The following NELL1 variants were observed in gnomAD, a reference collection of about 807,000 sequenced individuals.
NELL1 encodes the protein protein kinase C-binding protein NELL1.
NELL1 carries 76 observed loss-of-function variants against 107.4 expected under a neutral mutation model. That is an observed-to-expected ratio of 0.71 (90% CI 0.59 to 0.86). The LOEUF (loss-of-function observed/expected upper bound fraction) is 0.86, where lower values mean the gene tolerates loss of function less well. Among genes scored for constraint, NELL1 ranks in the 40% least tolerant of loss-of-function variants. The pLI is 0.00. For synonymous variants in NELL1, 353 were observed against 341.2 expected (o/e 1.03, Z -0.38); for missense variants, 1,024 against 1,005.5 (o/e 1.02, Z -0.25).
At chr11:21,259,461 A>T (rs1365800348) in intron 14 of NELL1, among the ~76,000 whole-genome samples, 3 of 151,870 alleles carry the variant, frequency 2.0e-5, no homozygotes, top group Non-Finnish European at 4.4e-5. Flanking sequence ...ATGGAAATAC[A>T]ATTTTTCAGC....
chr11:21,489,704 C>T (rs1050202849), intron 15 of NELL1, among the ~76,000 whole-genome samples: 4 of 152,002 alleles, frequency 2.6e-5, no homozygotes, highest in Non-Finnish European at 5.9e-5. Context: ...ACCAAATGAT[C>T]ATCTCAATAG....
chr11:20,792,006 C>T (rs1357024869), intron 3 of NELL1, among the ~76,000 whole-genome samples: 1 of 151,786 alleles, frequency 6.6e-6, no homozygotes, highest in East Asian at 1.9e-4. Context: ...TTTATGGATT[C>T]GATTTGATAG....
chr11:21,450,341 G>A (rs372647078), intron 15 of NELL1, among the ~76,000 whole-genome samples: 21 of 152,054 alleles, frequency 1.4e-4, no homozygotes, highest in African/African-American at 3.4e-4. Context: ...CTTAAACAGC[G>A]GAAAACAGAC....
intron 14 of NELL1, among the ~76,000 whole-genome samples, chr11:21,344,584 A>G (rs527672971): frequency 6.6e-6 from 1 of 152,210 alleles, no homozygotes; most frequent in East Asian, 1.9e-4. Flanking sequence ...TAGCAGTGGT[A>G]TTTAATTGTA....
At chr11:21,001,616 T>C (rs2134273843) in intron 12 of NELL1, among the ~76,000 whole-genome samples, 1 of 152,106 alleles carries the variant, frequency 6.6e-6, no homozygotes. Flanking sequence ...AGATGGTTTA[T>C]TAAGAAAGAG....
At chr11:20,703,969 A>G (rs879689283) in intron 2 of NELL1, among the ~76,000 whole-genome samples, 1 of 152,192 alleles carries the variant, frequency 6.6e-6, no homozygotes, top group African/African-American at 2.4e-5. Flanking sequence ...GCTGAGAAGA[A>G]TGTATATTCT....
At chr11:21,253,621 T>C (rs1463327) in intron 14 of NELL1, among the ~76,000 whole-genome samples, 31,435 of 152,004 alleles carry the variant, frequency 0.21, 4,238 homozygotes, top group East Asian at 0.43. Flanking sequence ...TTAATCCAAC[T>C]TGTGATACTT....
chr11:20,966,515 G>C (rs2090395), intron 12 of NELL1, among the ~76,000 whole-genome samples: 15,085 of 152,068 alleles, frequency 0.099, 923 homozygotes, highest in East Asian at 0.25. Context: ...TATTCAGAAT[G>C]CTTGAGATAA....
chr11:21,123,507 A>T (rs1855420016), intron 13 of NELL1, among the ~76,000 whole-genome samples: 1 of 152,176 alleles, frequency 6.6e-6, no homozygotes, highest in South Asian at 2.1e-4. Flanking sequence ...TATGTGTGTG[A>T]CTATCTGTGT....
At chr11:20,721,232 G>GTT (rs1198200764) in intron 2 of NELL1, among the ~76,000 whole-genome samples, 3 of 31,802 alleles carry the variant, frequency 9.4e-5, no homozygotes, top group African/African-American at 2.0e-4. Flanking sequence ...TATATATTTT[G>GTT]TTTATATATA....
intron 12 of NELL1, among the ~76,000 whole-genome samples, chr11:21,075,346 T>C (rs1854109534): frequency 6.6e-6 from 1 of 152,106 alleles, no homozygotes; most frequent in Non-Finnish European, 1.5e-5. Flanking sequence ...GTACATATAT[T>C]GCTACACTCT....
intron 13 of NELL1, among the ~76,000 whole-genome samples, chr11:21,143,878 T>C (rs1224510893): frequency 1.3e-5 from 2 of 152,176 alleles, no homozygotes; most frequent in Non-Finnish European, 2.9e-5. Flanking sequence ...AAAGACCTGC[T>C]TTATTAACCA....
chr11:21,148,138 G>C (rs1408898302), intron 13 of NELL1, among the ~76,000 whole-genome samples: 1 of 152,134 alleles, frequency 6.6e-6, no homozygotes, highest in Non-Finnish European at 1.5e-5. Context: ...TGTTGTCAAA[G>C]AACCTGAAAT....
At chr11:21,488,348 G>A (rs1215102116) in intron 15 of NELL1, among the ~76,000 whole-genome samples, 1 of 151,916 alleles carries the variant, frequency 6.6e-6, no homozygotes, top group Non-Finnish European at 1.5e-5. Flanking sequence ...TGCTTTCATA[G>A]GAGAAGGCTT....
rs146388611 is a variant in NELL1 at position 21,419,760 on chromosome 11, A to G, written c.1645+48812A>G. ...TCAAGTAAAAGTACACATAGAAGAT[A>G]TCAAGTATATAAATTTGAAATATGA... On this transcript the variant is annotated intron_variant, in intron 15 of 19. Coordinates refer to ENST00000357134, the MANE Select transcript of NELL1 (RefSeq NM_006157.5). Among the ~76,000 whole-genome samples the G allele has an allele frequency of 3.0e-3, 460 of 152,332 alleles. 2 individuals are homozygous for G. The highest frequency in any genetic ancestry group is 0.01 in the African/African-American group (435 of 41,582).
chr11:21,082,528 A>G (rs1854292997), intron 12 of NELL1, among the ~76,000 whole-genome samples: 1 of 152,068 alleles, frequency 6.6e-6, no homozygotes, highest in Non-Finnish European at 1.5e-5. Flanking sequence ...CATCCTCTCT[A>G]TACTGTTAAA....
At chr11:20,993,804 A>G (rs773164560) in intron 12 of NELL1, among the ~76,000 whole-genome samples, 6 of 151,860 alleles carry the variant, frequency 4.0e-5, no homozygotes, top group East Asian at 3.9e-4. Context: ...TTTTTCCCCA[A>G]TATTTTTGAC....
intron 15 of NELL1, among the ~76,000 whole-genome samples, chr11:21,445,500 AT>A (rs569281384): frequency 1.5e-4 from 23 of 151,526 alleles, no homozygotes; most frequent in Non-Finnish European, 2.9e-4. Context: ...CTAATTTTGT[AT>A]TTTTAGTATT....
intron 4 of NELL1, among the ~76,000 whole-genome samples, chr11:20,879,299 T>A (rs1849364804): frequency 6.6e-6 from 1 of 152,060 alleles, no homozygotes; most frequent in African/African-American, 2.4e-5. Context: ...ATGGGGAGGT[T>A]CTGAGAGACC....
Sources: gnomAD v4.1 joint callset for allele counts (sites outside exome capture counted in the v4.1 genomes callset) on GRCh38, gnomAD v4.1.1 for gene constraint, MANE v1.5 for transcripts, NCBI Gene and HGNC (gene_info 2026-07-23, HGNC 2026-07-21) for gene names.